The following MUSK variants were observed in gnomAD, a reference collection of about 807,000 sequenced individuals.
MUSK encodes the protein muscle, skeletal receptor tyrosine-protein kinase.
In MUSK, 55 loss-of-function variants were observed where a neutral mutation model predicts 88.7. The ratio of observed to expected loss-of-function variants is 0.62; its 90% CI spans 0.50 to 0.78. The LOEUF is 0.78. Ranked by LOEUF, MUSK falls within the 30% of genes least tolerant of loss-of-function variation. The probability of loss-of-function intolerance (pLI) is 0.00; values close to 1 mark genes in which losing one functional copy is unlikely to be tolerated. For synonymous variants in MUSK, 387 were observed against 391.9 expected (o/e 0.99, Z 0.15); for missense variants, 1,015 against 1,074.3 (o/e 0.94, Z 0.77).
In MUSK at chr9:110,687,285, T is replaced by C. The variant is rs1462260833; in HGVS notation, c.358+17T>C. 6.2e-7 allele frequency: 1 copy of C among 1,612,900 alleles called. No individual in the cohort carries two copies. ...TGAAGATGAGTGAGTGGGAAACAGA[T>C]TCGTCTATTGATTTGAAAGTTGACT... On this transcript the variant is annotated intron_variant, in intron 3 of 14. Transcript: ENST00000374448.
chr9:110,706,191 A>C (rs770514373), intron 5 of MUSK: 1 of 441,744 alleles, frequency 2.3e-6, no homozygotes, highest in Middle Eastern at 3.5e-4. Context: ...TAAATCAACC[A>C]TATTGGCTCA....
intron 7 of MUSK, chr9:110,761,854 G>T (rs138389139): frequency 1.0e-6 from 1 of 963,902 alleles, no homozygotes; most frequent in Non-Finnish European, 1.2e-6. Flanking sequence ...GATTACAGGC[G>T]TGAGCCACCG....
chr9:110,760,635 C>T (rs955785143), intron 7 of MUSK, among the ~76,000 whole-genome samples: 53 of 151,756 alleles, frequency 3.5e-4, no homozygotes, highest in Middle Eastern at 3.4e-3. Context: ...ATGGTTAGTA[C>T]GCGGGTGATG....
At chr9:110,703,815 C>A (rs942166051) in intron 5 of MUSK, among the ~76,000 whole-genome samples, 10 of 152,116 alleles carry the variant, frequency 6.6e-5, no homozygotes, top group African/African-American at 2.2e-4. Flanking sequence ...AGGCAATACT[C>A]AAAAACATGA....
At chr9:110,680,866 G>A (rs993586109) in intron 1 of MUSK, among the ~76,000 whole-genome samples, 5 of 141,338 alleles carry the variant, frequency 3.5e-5, no homozygotes, top group African/African-American at 1.3e-4. Flanking sequence ...GCCTGTCACT[G>A]TATACTTTAT....
chr9:110,768,285 G>A (rs973854103), intron 9 of MUSK, among the ~76,000 whole-genome samples: 1 of 152,170 alleles, frequency 6.6e-6, no homozygotes, highest in African/African-American at 2.4e-5. Context: ...ATCACTTGAG[G>A]TCAGGAGTTT....
At chr9:110,677,958 AAATGCATAGTAAT>A (rs555429548) in intron 1 of MUSK, among the ~76,000 whole-genome samples, 144 of 152,236 alleles carry the variant, frequency 9.5e-4, no homozygotes, top group Non-Finnish European at 1.7e-3. Context: ...TTTTCTGCCT[AAATGCATAGTAAT>A]AATTTTGAAA....
In MUSK at chr9:110,800,862, C is replaced by T. The variant is rs779401827; in HGVS notation, c.2484C>T (p.Pro828=). 2.5e-5 allele frequency: 40 copies of T among 1,600,948 alleles called. No individual in the cohort carries two copies. Among genetic ancestry groups the T allele is most frequent in the Admixed American group, 1.5e-4 (9 of 59,278 alleles). ...TCCTCTCCTGCCCTGAGAACTGCCC[C>T]GTGGAGCTGTACAATCTCATGCGTC... ...GNILSCPENC[P]VELYNLMRLC... The change falls in exon 15 of 15, where the codon CCC becomes CCT. Residue 828 remains proline (P), a synonymous_variant. Coordinates refer to ENST00000374448, the MANE Select transcript of MUSK (RefSeq NM_005592.4).
chr9:110,699,735 C>T (rs1311736732), intron 5 of MUSK, among the ~76,000 whole-genome samples: 1 of 152,054 alleles, frequency 6.6e-6, no homozygotes, highest in Non-Finnish European at 1.5e-5. Context: ...GCAGGGCCAT[C>T]GTCAGTTGGG....
chr9:110,766,335 T>C (rs1345015419), intron 8 of MUSK, among the ~76,000 whole-genome samples: 2 of 152,196 alleles, frequency 1.3e-5, no homozygotes, highest in East Asian at 3.9e-4. Context: ...TCCTTGTTTC[T>C]GTCTAATTTT....
intron 6 of MUSK, among the ~76,000 whole-genome samples, chr9:110,735,646 G>A (rs1194320307): frequency 1.3e-5 from 2 of 152,078 alleles, no homozygotes; most frequent in Non-Finnish European, 2.9e-5. Context: ...TTATTAGTCA[G>A]TTCTCGCATC....
intron 7 of MUSK, among the ~76,000 whole-genome samples, chr9:110,755,954 A>ATATATATATATATATACG (rs1564268738): frequency 0.029 from 3,219 of 110,460 alleles, 290 homozygotes; most frequent in African/African-American, 0.092. Flanking sequence ...ATATATACAC[A>ATATATATATATATATACG]TATATATATA....
chr9:110,742,591 T>C (rs1183092241), intron 6 of MUSK, among the ~76,000 whole-genome samples: 1 of 152,232 alleles, frequency 6.6e-6, no homozygotes. Context: ...CATATGAGGT[T>C]ATAAATGGAA....
rs145721220 is a variant in MUSK at position 110,800,457 on chromosome 9, G to C, written c.2079G>C (p.Gly693=). Residue 693 remains glycine (G), a synonymous_variant, in exon 15 of 15, where the codon GGG becomes GGC. Transcript: ENST00000374448. ...LSMRAQVSSP[G]PPPLSCAEQL... is the part of the protein sequence containing the mutation. The stretch of plus-strand genomic sequence containing the variant: ...TGAGGGCTCAGGTCTCCAGCCCTGG[G>C]CCCCCACCCCTCTCCTGTGCTGAGC... 2 of 1,613,728 alleles carry C rather than the reference G, an allele frequency of 1.2e-6. No individual in the cohort carries two copies. Among genetic ancestry groups the C allele is most frequent in the East Asian group, 2.2e-5 (1 of 44,864 alleles).
chr9:110,759,602 A>T (rs1402957504), intron 7 of MUSK, among the ~76,000 whole-genome samples: 1 of 152,210 alleles, frequency 6.6e-6, no homozygotes, highest in Non-Finnish European at 1.5e-5. Flanking sequence ...TTCAGAATCT[A>T]CAGGGAAATT....
chr9:110,764,276 C>A (rs2077442127), intron 8 of MUSK, among the ~76,000 whole-genome samples: 1 of 152,168 alleles, frequency 6.6e-6, no homozygotes, highest in African/African-American at 2.4e-5. Flanking sequence ...AGAAACACAA[C>A]TTTAGCTGGA....
intron 3 of MUSK, among the ~76,000 whole-genome samples, chr9:110,693,756 C>A (rs188735475): frequency 3.7e-4 from 57 of 152,262 alleles, no homozygotes; most frequent in Admixed American, 5.9e-4. Context: ...AAGGTCTTTA[C>A]CTAAGACATT....
chr9:110,783,774 T>G (rs2077804626), intron 11 of MUSK, among the ~76,000 whole-genome samples: 1 of 151,966 alleles, frequency 6.6e-6, no homozygotes, highest in Non-Finnish European at 1.5e-5. Flanking sequence ...AAATGTTCAG[T>G]TCATTTACTT....
chr9:110,702,532 A>C (rs2076543386), intron 5 of MUSK, among the ~76,000 whole-genome samples: 1 of 152,188 alleles, frequency 6.6e-6, no homozygotes, highest in African/African-American at 2.4e-5. Context: ...TTCAACACTC[A>C]GGACTATAGC....
Sources: gnomAD v4.1 joint callset for allele counts (sites outside exome capture counted in the v4.1 genomes callset) on GRCh38, gnomAD v4.1.1 for gene constraint, MANE v1.5 for transcripts, NCBI Gene and HGNC (gene_info 2026-07-23, HGNC 2026-07-21) for gene names.